Variants in EPHB1 observed in about 807,000 individuals in gnomAD.
EPHB1 encodes EPH receptor B1.
EPHB1 carries 30 observed loss-of-function variants against 94.4 expected under a neutral mutation model. The ratio of observed to expected loss-of-function variants is 0.32; its 90% CI spans 0.24 to 0.43. The LOEUF is 0.43. Among genes scored for constraint, EPHB1 ranks in the 20% least tolerant of loss-of-function variants. The probability of loss-of-function intolerance (pLI) is 1.00; values close to 1 mark genes in which losing one functional copy is unlikely to be tolerated. For missense variants in EPHB1, 1,055 were observed against 1,308.3 expected (o/e 0.81, Z 2.99); for synonymous variants, 522 against 489.1 (o/e 1.07, Z -0.89).
At chr3:134,934,984 C>T (rs1167200711) in intron 2 of EPHB1, among the ~76,000 whole-genome samples, 1 of 152,150 alleles carries the variant, frequency 6.6e-6, no homozygotes, top group African/African-American at 2.4e-5. Context: ...TCTCTAAAAC[C>T]TTCCCCAAGA....
chr3:134,851,023 G>A (rs577514466), intron 1 of EPHB1, among the ~76,000 whole-genome samples: 2 of 152,372 alleles, frequency 1.3e-5, no homozygotes, highest in African/African-American at 4.8e-5. Flanking sequence ...CCTCTTCCTG[G>A]TTGGACCATT....
intron 3 of EPHB1, among the ~76,000 whole-genome samples, chr3:135,015,461 C>T (rs1156729629): frequency 4.6e-5 from 7 of 152,114 alleles, no homozygotes; most frequent in Non-Finnish European, 7.4e-5. Flanking sequence ...AGGCTGGTCT[C>T]GAACTCCTGA....
At chr3:134,958,577 G>A (rs1027695191) in intron 3 of EPHB1, among the ~76,000 whole-genome samples, 7 of 152,160 alleles carry the variant, frequency 4.6e-5, no homozygotes, top group African/African-American at 1.7e-4. Flanking sequence ...GCTCCAGGGA[G>A]ACCGGCTGTG....
At chr3:135,119,460 T>A (rs1939857784) in intron 4 of EPHB1, among the ~76,000 whole-genome samples, 1 of 152,152 alleles carries the variant, frequency 6.6e-6, no homozygotes, top group Non-Finnish European at 1.5e-5. Flanking sequence ...CTTTCTTTTT[T>A]TTGTTTTCTT....
intron 4 of EPHB1, among the ~76,000 whole-genome samples, chr3:135,117,569 C>G (rs976209345): frequency 6.6e-6 from 1 of 152,218 alleles, no homozygotes; most frequent in African/African-American, 2.4e-5. Context: ...TGTTCTGGCT[C>G]TGAAGCCACA....
At chr3:135,189,313 C>T (rs1451855762) in intron 10 of EPHB1, among the ~76,000 whole-genome samples, 1 of 152,174 alleles carries the variant, frequency 6.6e-6, no homozygotes, top group African/African-American at 2.4e-5. Flanking sequence ...TGGCTTTTGG[C>T]AGTTCACTAA....
At chr3:135,099,871 G>A (rs920214014) in intron 3 of EPHB1, among the ~76,000 whole-genome samples, 10 of 152,182 alleles carry the variant, frequency 6.6e-5, no homozygotes, top group African/African-American at 2.4e-4. Flanking sequence ...AGGGGAGGTT[G>A]TAGGAGCAAT....
intron 12 of EPHB1, among the ~76,000 whole-genome samples, chr3:135,219,874 C>T (rs72981657): frequency 0.016 from 2,419 of 152,226 alleles, 64 homozygotes; most frequent in African/African-American, 0.054. Context: ...TAATAGGGCT[C>T]CAGAATGTTG....
chr3:134,957,607 GA>G (rs1933330091), intron 3 of EPHB1, among the ~76,000 whole-genome samples: 1 of 151,966 alleles, frequency 6.6e-6, no homozygotes, highest in African/African-American at 2.4e-5. Flanking sequence ...GATAAAGCCC[GA>G]AAAGGGCTCT....
intron 3 of EPHB1, among the ~76,000 whole-genome samples, chr3:135,001,364 G>C (rs1418759184): frequency 6.6e-6 from 1 of 152,158 alleles, no homozygotes; most frequent in African/African-American, 2.4e-5. Flanking sequence ...ATGTGTCCAG[G>C]GCTTGCAGGG....
At position 134,875,493 on chromosome 3, in the gene EPHB1, A is replaced by G. The variant is rs115999391; in HGVS notation, c.59-50323A>G. Among the ~76,000 whole-genome samples the G allele has an allele frequency of 9.2e-3, 1,405 of 152,270 alleles. 21 individuals are homozygous for G. Among genetic ancestry groups the G allele is most frequent in the African/African-American group, 0.032 (1,329 of 41,538 alleles). ...GAGTGAGGAGCGGTTGATGGCCTTT[A>G]GAAGCCCCCAGGGAAACCCGGATGG... On this transcript the variant is annotated intron_variant, in intron 1 of 15. Coordinates refer to ENST00000398015, the MANE Select transcript of EPHB1 (RefSeq NM_004441.5).
chr3:134,907,473 T>C (rs943141708), intron 1 of EPHB1, among the ~76,000 whole-genome samples: 1 of 152,200 alleles, frequency 6.6e-6, no homozygotes, highest in Non-Finnish European at 1.5e-5. Context: ...ACACTGAGAT[T>C]TGAATGCTGT....
chr3:134,826,598 G>A (rs2036483891), intron 1 of EPHB1, among the ~76,000 whole-genome samples: 1 of 152,072 alleles, frequency 6.6e-6, no homozygotes, highest in South Asian at 2.1e-4. Context: ...GATTTTTAAA[G>A]CCCCTTGGAA....
At chr3:134,939,470 A>G (rs2039075090) in intron 2 of EPHB1, among the ~76,000 whole-genome samples, 3 of 152,178 alleles carry the variant, frequency 2.0e-5, no homozygotes, top group African/African-American at 7.2e-5. Flanking sequence ...CACAGCCCTC[A>G]GGGGAGCCTT....
intron 4 of EPHB1, among the ~76,000 whole-genome samples, chr3:135,109,789 C>T (rs1939369478): frequency 6.6e-6 from 1 of 152,190 alleles, no homozygotes; most frequent in Admixed American, 6.5e-5. Flanking sequence ...GCTCGCTGTC[C>T]CTGGATGAGA....
intron 2 of EPHB1, among the ~76,000 whole-genome samples, chr3:134,933,832 C>T (rs1461663482): frequency 6.6e-6 from 1 of 152,178 alleles, no homozygotes; most frequent in East Asian, 1.9e-4. Flanking sequence ...GACCAAGCCT[C>T]CTTGAATTCA....
intron 1 of EPHB1, among the ~76,000 whole-genome samples, chr3:134,864,792 T>A (rs1483076719): frequency 6.6e-6 from 1 of 152,158 alleles, no homozygotes; most frequent in East Asian, 1.9e-4. Flanking sequence ...GGAGCAGATG[T>A]TTTTGCAATA....
intron 3 of EPHB1, among the ~76,000 whole-genome samples, chr3:134,989,831 A>C (rs908069546): frequency 1.4e-4 from 21 of 152,206 alleles, no homozygotes; most frequent in African/African-American, 5.1e-4. Flanking sequence ...TATAGAAACA[A>C]TGAGATTTAA....
At chr3:134,913,638 G>A (rs2038503826) in intron 1 of EPHB1, among the ~76,000 whole-genome samples, 1 of 152,218 alleles carries the variant, frequency 6.6e-6, no homozygotes, top group Non-Finnish European at 1.5e-5. Flanking sequence ...CCATCAACCA[G>A]TACCAGGGCT....
Sources: gnomAD v4.1 joint callset for allele counts (sites outside exome capture counted in the v4.1 genomes callset) on GRCh38, gnomAD v4.1.1 for gene constraint, MANE v1.5 for transcripts, NCBI Gene and HGNC (gene_info 2026-07-23, HGNC 2026-07-21) for gene names.